Variants in RBFOX1 observed in about 807,000 individuals in gnomAD.
RBFOX1 encodes RNA binding fox-1 homolog 1.
In RBFOX1, 8 loss-of-function variants were observed where a neutral mutation model predicts 57.7. The observed-to-expected ratio is 0.14, with a 90% CI of 0.08 to 0.25. The LOEUF is 0.25. Ranked by LOEUF, RBFOX1 falls within the 10% of genes least tolerant of loss-of-function variation. RBFOX1 has a pLI of 1.00. For synonymous variants in RBFOX1, 326 were observed against 222.4 expected (o/e 1.47, Z -4.15); for missense variants, 611 against 548.5 (o/e 1.11, Z -1.14).
intron 2 of RBFOX1, among the ~76,000 whole-genome samples, chr16:6,529,216 CT>C (rs2096622725): frequency 6.6e-6 from 1 of 152,100 alleles, no homozygotes; most frequent in African/African-American, 2.4e-5. Flanking sequence ...TTGTAAACTA[CT>C]TTTCAAATAA....
intron 3 of RBFOX1, among the ~76,000 whole-genome samples, chr16:5,797,943 G>A (rs912729714): frequency 6.6e-6 from 1 of 152,186 alleles, no homozygotes; most frequent in Non-Finnish European, 1.5e-5. Context: ...CCATAGAAGA[G>A]ATGCTCAGTA....
intron 3 of RBFOX1, among the ~76,000 whole-genome samples, chr16:6,941,183 C>G (rs2078383218): frequency 6.6e-6 from 1 of 151,816 alleles, no homozygotes; most frequent in South Asian, 2.1e-4. Flanking sequence ...ACTCTCATTC[C>G]ATGCATACAT....
chr16:5,664,934 T>A (rs2049782408), intron 3 of RBFOX1, among the ~76,000 whole-genome samples: 4 of 150,254 alleles, frequency 2.7e-5, no homozygotes, highest in Admixed American at 2.6e-4. Flanking sequence ...GATTTCCCAT[T>A]TGTTATCTCT....
chr16:5,864,822 G>A (rs1256919610), intron 3 of RBFOX1, among the ~76,000 whole-genome samples: 1 of 152,176 alleles, frequency 6.6e-6, no homozygotes, highest in African/African-American at 2.4e-5. Flanking sequence ...GCTTTAGCTA[G>A]TGGGCAATCA....
chr16:6,954,357 G>C (rs1428380665), intron 3 of RBFOX1, among the ~76,000 whole-genome samples: 1 of 152,090 alleles, frequency 6.6e-6, no homozygotes, highest in African/African-American at 2.4e-5. Context: ...TACAATAACG[G>C]TCTTCCATCC....
intron 4 of RBFOX1, among the ~76,000 whole-genome samples, chr16:7,315,171 T>C (rs773766596): frequency 4.7e-4 from 72 of 152,084 alleles, no homozygotes; most frequent in Non-Finnish European, 4.0e-4. Flanking sequence ...TGTGGTGATA[T>C]TTCTTTCCCT....
At chr16:7,178,896 C>G (rs984505878) in intron 4 of RBFOX1, among the ~76,000 whole-genome samples, 2 of 152,134 alleles carry the variant, frequency 1.3e-5, no homozygotes, top group Admixed American at 6.5e-5. Context: ...GTTGGTTTTA[C>G]TGATTTGGTT....
intron 4 of RBFOX1, among the ~76,000 whole-genome samples, chr16:7,249,782 A>G (rs926934866): frequency 3.3e-5 from 5 of 152,120 alleles, no homozygotes; most frequent in African/African-American, 7.2e-5. Flanking sequence ...CATTGTGTCT[A>G]TATCTTAAGC....
In RBFOX1 at chr16:7,106,542, A is replaced by G. The variant is rs149282592; in HGVS notation, c.27+54444A>G. Among the ~76,000 whole-genome samples, 3 of 152,166 alleles carry G rather than the reference A, an allele frequency of 2.0e-5. No homozygotes were observed. The East Asian group carries it at 5.8e-4, about 29-fold the overall frequency. ...TGCACTACTTGTTGCCTTTTGGCTT[A>G]AACATTTGTGTTTTCTATGTGCTTA... On this transcript the variant is annotated intron_variant, in intron 4 of 15. Transcript: ENST00000550418.
At position 7,096,075 on chromosome 16, in the gene RBFOX1, G is replaced by T. The variant is rs542389480; in HGVS notation, c.27+43977G>T. 8.6e-5 allele frequency among the ~76,000 whole-genome samples: 13 copies of T among 151,574 alleles called. No individual in the cohort carries two copies. In the South Asian group the frequency reaches 2.5e-3, roughly 29 times the overall value. On this transcript the variant is annotated intron_variant, in intron 4 of 15. Coordinates refer to ENST00000550418, the MANE Select transcript of RBFOX1 (RefSeq NM_018723.4). ...AACATGGAGAGCATCTAATGCATGA[G>T]ATATTGTGTGTGCTAAGTTCTGACG...
chr16:6,587,216 C>G (rs1215132517), intron 2 of RBFOX1, among the ~76,000 whole-genome samples: 1 of 152,148 alleles, frequency 6.6e-6, no homozygotes, highest in African/African-American at 2.4e-5. Context: ...CCATTCTGTT[C>G]TCTGCATTTA....
intron 1 of RBFOX1, among the ~76,000 whole-genome samples, chr16:5,387,828 G>C (rs1357094618): frequency 6.6e-6 from 1 of 152,220 alleles, no homozygotes; most frequent in Non-Finnish European, 1.5e-5. Flanking sequence ...GAGATAGGAA[G>C]AGTATCTGGG....
intron 10 of RBFOX1, among the ~76,000 whole-genome samples, chr16:7,618,952 A>G (rs773166915): frequency 4.1e-4 from 62 of 152,194 alleles, no homozygotes; most frequent in Admixed American, 7.9e-4. Context: ...TGCATTAGCT[A>G]TTTACACCAA....
chr16:6,816,861 C>G (rs1013253387), intron 3 of RBFOX1, among the ~76,000 whole-genome samples: 1 of 152,102 alleles, frequency 6.6e-6, no homozygotes, highest in Non-Finnish European at 1.5e-5. Flanking sequence ...CCTCCCACTT[C>G]ACCCTCCCAA....
intron 1 of RBFOX1, among the ~76,000 whole-genome samples, chr16:5,319,979 C>T (rs1033030868): frequency 3.9e-5 from 6 of 152,114 alleles, no homozygotes; most frequent in African/African-American, 9.7e-5. Context: ...TTTGGTGGCC[C>T]GGGTGCAGTC....
At chr16:5,866,861 G>C (rs553682808) in intron 3 of RBFOX1, among the ~76,000 whole-genome samples, 1 of 152,130 alleles carries the variant, frequency 6.6e-6, no homozygotes, top group African/African-American at 2.4e-5. Context: ...CAAACATGAA[G>C]CTGCTGCTGT....
At chr16:6,522,466 A>T (rs1315255814) in intron 2 of RBFOX1, among the ~76,000 whole-genome samples, 1 of 152,162 alleles carries the variant, frequency 6.6e-6, no homozygotes, top group African/African-American at 2.4e-5. Context: ...GAAGACATCA[A>T]CTTCAGTCAA....
At chr16:7,240,384 C>T (rs562491562) in intron 4 of RBFOX1, among the ~76,000 whole-genome samples, 1 of 152,154 alleles carries the variant, frequency 6.6e-6, no homozygotes, top group Non-Finnish European at 1.5e-5. Flanking sequence ...TTGTATATCA[C>T]CATCTGTGAT....
chr16:6,456,797 A>G (rs2429650), intron 2 of RBFOX1, among the ~76,000 whole-genome samples: 121,471 of 152,140 alleles, frequency 0.8, 48,607 homozygotes, highest in Middle Eastern at 0.87. Flanking sequence ...TACATGAAGA[A>G]TGAAGTTATG....
Sources: gnomAD v4.1 joint callset for allele counts (sites outside exome capture counted in the v4.1 genomes callset) on GRCh38, gnomAD v4.1.1 for gene constraint, MANE v1.5 for transcripts, NCBI Gene and HGNC (gene_info 2026-07-23, HGNC 2026-07-21) for gene names.